SMC2: variants seen among roughly 807,000 people sequenced by gnomAD.
SMC2 encodes structural maintenance of chromosomes 2.
In SMC2, 41 loss-of-function variants were observed where a neutral mutation model predicts 142.6. The ratio of observed to expected loss-of-function variants is 0.29; its 90% CI spans 0.22 to 0.37. The LOEUF (loss-of-function observed/expected upper bound fraction) is 0.37, where lower values mean the gene tolerates loss of function less well. SMC2 is among the 10% of genes least tolerant of loss of function. The pLI is 1.00. For missense variants in SMC2, 1,265 were observed against 1,373.7 expected, an observed-to-expected ratio of 0.92 and a Z score of 1.25; for synonymous variants, 463 against 457.5, an observed-to-expected ratio of 1.01 and a Z score of -0.15.
rs1052636721 is a variant in SMC2, at chr9:104,140,348, A to G, written c.*1033A>G. On this transcript the variant is annotated 3_prime_UTR_variant, in exon 25 of 25. Transcript: ENST00000374793. ...TTGAAAGATGACACTAGCGAACACC[A>G]TGAGAATACTGTCTACAGTTTTTGG... The G allele has an allele frequency of 2.6e-5, 4 of 152,256 alleles. No individual in the cohort carries two copies. In the East Asian group the frequency reaches 5.8e-4, roughly 22 times the overall value. The allele number at this position is 152,256 out of a possible 1,614,324, so 9.4% of individuals were successfully genotyped here.
chr9:104,111,586 A>G lies in SMC2; in HGVS notation c.1026A>G (p.Ser342=). Residue 342 remains serine, a synonymous_variant, in exon 10 of 25, where the codon TCA becomes TCG. Coordinates refer to ENST00000374793, the MANE Select transcript of SMC2 (RefSeq NM_006444.3). ...ATTTGAAACTCTTCCTAAAGGACTC[A>G]AAAACTTTAGCAGCAAAGGAAAAAG... ...KELEKNMVED[S]KTLAAKEKEV... is the part of the protein sequence containing the mutation. 6.2e-7 allele frequency: 1 copy of G among 1,610,420 alleles called. No homozygotes were observed. The highest frequency in any genetic ancestry group is 8.5e-7 in the Non-Finnish European group (1 of 1,178,010).
intron 10 of SMC2, among the ~76,000 whole-genome samples, chr9:104,112,808 C>G (rs1167353202): frequency 6.6e-6 from 1 of 152,110 alleles, no homozygotes; most frequent in African/African-American, 2.4e-5. Flanking sequence ...TTAAATAGTT[C>G]TAGCATTTAA....
At chr9:104,132,899 A>G (rs1386347226) in intron 22 of SMC2, among the ~76,000 whole-genome samples, 1 of 150,400 alleles carries the variant, frequency 6.6e-6, no homozygotes, top group Non-Finnish European at 1.5e-5. Flanking sequence ...ATCAGAATCT[A>G]TTGTCTAAAC....
In SMC2 at chr9:104,120,025, A is replaced by T; in HGVS notation, c.1997-2A>T. ...AGACCTGTTTCAATTTGCCTCTATC[A>T]GGTGCTCGATCCCAGGCAGCTTCCA... On this transcript the variant is annotated splice_acceptor_variant, in intron 15 of 24. Coordinates refer to ENST00000374793, the MANE Select transcript of SMC2 (RefSeq NM_006444.3). LOFTEE classifies it high-confidence loss of function. 1 of 1,613,770 alleles carries T rather than the reference A, an allele frequency of 6.2e-7. No individual in the cohort carries two copies. Among genetic ancestry groups the T allele is most frequent in the South Asian group, 1.1e-5 (1 of 91,018 alleles).
chr9:104,107,311 T>C (rs1284310176), intron 9 of SMC2, among the ~76,000 whole-genome samples: 1 of 152,114 alleles, frequency 6.6e-6, no homozygotes, highest in Non-Finnish European at 1.5e-5. Context: ...CCAAGAGTTA[T>C]ATCAGGTGGC....
chr9:104,096,203 C>G lies in SMC2; in HGVS notation c.224C>G (p.Thr75Ser). ...LVYKNGQAGI[T>S]KASVSITFDN... is the part of the protein sequence containing the mutation. ...TACAAAAATGGGCAGGCTGGTATTA[C>G]CAAAGCCTCTGTGTCAATCACTTTT... Residue 75 changes from threonine (T) to serine (S), a missense_variant, in exon 3 of 25, where the codon ACC becomes AGC. Thr to Ser is a moderately conservative substitution (Grantham distance 58, BLOSUM62 1). Coordinates refer to ENST00000374793, the MANE Select transcript of SMC2 (RefSeq NM_006444.3). The G allele has an allele frequency of 6.2e-7, 1 of 1,613,650 alleles. No individual in the cohort carries two copies. Among genetic ancestry groups the G allele is most frequent in the Non-Finnish European group, 8.5e-7 (1 of 1,179,566 alleles).
intron 10 of SMC2, among the ~76,000 whole-genome samples, chr9:104,112,255 C>CTT (rs1353756779): frequency 1.3e-5 from 2 of 152,272 alleles, no homozygotes; most frequent in Admixed American, 1.3e-4. Flanking sequence ...GTTTCTCAAA[C>CTT]TTTACATTTT....
intron 3 of SMC2, among the ~76,000 whole-genome samples, chr9:104,097,733 C>A (rs924517265): frequency 6.6e-6 from 1 of 152,090 alleles, no homozygotes; most frequent in Non-Finnish European, 1.5e-5. Flanking sequence ...ATATGAACTA[C>A]CAACCTAGTA....
chr9:104,125,954 C>G (rs1227748310), intron 18 of SMC2, among the ~76,000 whole-genome samples: 4 of 152,102 alleles, frequency 2.6e-5, no homozygotes, highest in South Asian at 2.1e-4. Context: ...CCCCAACCCC[C>G]CAGGCCACAG....
At chr9:104,100,472 C>A in intron 7 of SMC2, 39 bp downstream of exon 7, 1 of 1,302,896 alleles carries the variant, frequency 7.7e-7, no homozygotes, top group Non-Finnish European at 1.1e-6. Context: ...ATTAGAATGT[C>A]TTTCAAAGTC....
At position 104,123,090 on chromosome 9, in the gene SMC2, T is replaced by C; in HGVS notation, c.2133-18T>C. 6.3e-7 allele frequency: 1 copy of C among 1,592,214 alleles called. No individual in the cohort carries two copies. The highest frequency in any genetic ancestry group is 8.5e-7 in the Non-Finnish European group (1 of 1,172,568). On this transcript the variant is annotated intron_variant, in intron 16 of 24. Transcript: ENST00000374793. ...AGAAAAATGACAGTCATTTCTTACA[T>C]GTTTCTGTTTTTGTAAGGTATCGCC...
intron 7 of SMC2, among the ~76,000 whole-genome samples, chr9:104,101,030 C>T (rs1247961669): frequency 6.6e-6 from 1 of 152,140 alleles, no homozygotes; most frequent in Non-Finnish European, 1.5e-5. Context: ...CTCCACCTCC[C>T]GGTCTCAAGG....
chr9:104,138,720 A>G (rs1382609200), intron 24 of SMC2, among the ~76,000 whole-genome samples: 2 of 152,192 alleles, frequency 1.3e-5, no homozygotes, highest in South Asian at 4.1e-4. Context: ...TGTATTTATT[A>G]TAGCAGTGTT....
intron 20 of SMC2, 78 bp from the exon 21 acceptor site, chr9:104,129,567 A>T: frequency 8.9e-7 from 1 of 1,121,898 alleles, no homozygotes; most frequent in Non-Finnish European, 1.3e-6. Context: ...CAAAAGTATT[A>T]AATAGTTAAG....
At chr9:104,131,581 T>C (rs918891207) in intron 21 of SMC2, among the ~76,000 whole-genome samples, 1 of 151,852 alleles carries the variant, frequency 6.6e-6, no homozygotes, top group African/African-American at 2.4e-5. Flanking sequence ...ATTTTGTTCA[T>C]GTCACTGCTA....
the SMC2 span, among the ~76,000 whole-genome samples, chr9:104,088,570 G>A: frequency 0.64 from 97,405 of 151,968 alleles, 32,435 homozygotes; most frequent in East Asian, 0.92. Flanking sequence ...ATGTGCAAAG[G>A]AAGATGGAGA....
At chr9:104,121,722 A>G (rs1229981092) in intron 16 of SMC2, among the ~76,000 whole-genome samples, 1 of 152,188 alleles carries the variant, frequency 6.6e-6, no homozygotes, top group Non-Finnish European at 1.5e-5. Flanking sequence ...TGAGGACACT[A>G]AATATGAGCA....
intron 23 of SMC2, 31 bp from the exon 24 acceptor site, chr9:104,137,987 T>C (rs763734123): frequency 1.4e-5 from 21 of 1,499,472 alleles, no homozygotes; most frequent in Non-Finnish European, 1.5e-5. Context: ...AAAATCAAAT[T>C]TTTATGGCTT....
Position 104,127,473 on chromosome 9 carries a change from C to A in SMC2, c.2783C>A (p.Ala928Asp). 1 of 1,603,768 alleles carries A rather than the reference C, an allele frequency of 6.2e-7. No homozygotes were observed. Among genetic ancestry groups the A allele is most frequent in the South Asian group, 1.1e-5 (1 of 89,818 alleles). The change falls in exon 20 of 25, where the codon GCT becomes GAT. Residue 928 changes from alanine (A) to aspartate (D), a missense_variant. Physicochemically the swap from Ala to Asp is moderately radical, Grantham distance 126 (BLOSUM62 -2). Coordinates refer to ENST00000374793, the MANE Select transcript of SMC2 (RefSeq NM_006444.3). Reference protein sequence around the residue: ...SKHKREAEDGAAKVSKMLKDY... With the variant: ...SKHKREAEDGDAKVSKMLKDY... The stretch of plus-strand genomic sequence containing the variant: ...CATAAACGGGAGGCTGAAGATGGTG[C>A]TGCAAAGGTATACGTTTGTGTGCAT...
Sources: allele counts gnomAD v4.1 joint callset (sites outside exome capture counted in the v4.1 genomes callset), GRCh38; gene constraint gnomAD v4.1.1; transcripts MANE v1.5; gene names NCBI Gene and HGNC (gene_info 2026-07-23, HGNC 2026-07-21).